Variants in DAPK3 observed in about 807,000 individuals in gnomAD.
DAPK3 encodes death-associated protein kinase 3.
Under a neutral mutation model 30.6 loss-of-function variants are expected in DAPK3, and 24 were observed. The ratio of observed to expected loss-of-function variants is 0.78; its 90% CI spans 0.57 to 1.10. DAPK3 has a LOEUF of 1.10. Among genes scored for constraint, DAPK3 ranks in the 50% least tolerant of loss-of-function variants. The probability of loss-of-function intolerance (pLI) is 0.00; values close to 1 mark genes in which losing one functional copy is unlikely to be tolerated. For synonymous variants in DAPK3, 341 were observed against 284.0 expected, an observed-to-expected ratio of 1.20 and a Z score of -2.02; for missense variants, 629 against 657.3, an observed-to-expected ratio of 0.96 and a Z score of 0.47.
At chr19:3,960,612 C>G (rs974417255) in intron 7 of DAPK3, among the ~76,000 whole-genome samples, 23 of 152,044 alleles carry the variant, frequency 1.5e-4, no homozygotes, top group African/African-American at 5.3e-4. Context: ...AGCCCTGTCT[C>G]TACTAAAAAT....
At chr19:3,964,428 C>A in intron 3 of DAPK3, 55 bp from the exon 4 acceptor site, 1 of 1,452,476 alleles carries the variant, frequency 6.9e-7, no homozygotes, top group Non-Finnish European at 9.4e-7. Flanking sequence ...ACCCTCACCC[C>A]CACGCTCCCC....
chr19:3,967,511 T>C (rs958363237), intron 2 of DAPK3, among the ~76,000 whole-genome samples: 3 of 152,094 alleles, frequency 2.0e-5, no homozygotes, highest in African/African-American at 7.2e-5. Flanking sequence ...TCCCAGCACT[T>C]TGGGAGGCAG....
chr19:3,959,800 G>C (rs1159910372), intron 8 of DAPK3, 163 bp from the exon 9 acceptor site: 4 of 843,114 alleles, frequency 4.7e-6, no homozygotes, highest in Non-Finnish European at 7.2e-6. Flanking sequence ...GTGCTCTCTC[G>C]AGAAAAACGC....
At chr19:3,960,728 G>A (rs1377238043) in intron 7 of DAPK3, among the ~76,000 whole-genome samples, 1 of 137,364 alleles carries the variant, frequency 7.3e-6, no homozygotes, top group South Asian at 2.4e-4. Flanking sequence ...GCAGTGAGCC[G>A]AGATCACGCC....
At chr19:3,964,418 AC>A in intron 3 of DAPK3, 45 bp from the exon 4 acceptor site, 2 of 859,640 alleles carry the variant, frequency 2.3e-6, no homozygotes, top group Non-Finnish European at 3.4e-6. Context: ...GGCCTCCCCC[AC>A]CCTCACCCCC....
intron 2 of DAPK3, among the ~76,000 whole-genome samples, chr19:3,967,007 C>T (rs10853968): frequency 0.47 from 71,409 of 152,058 alleles, 20,134 homozygotes; most frequent in East Asian, 0.76. Flanking sequence ...CAGCCCCCAG[C>T]GCAGGTGGGG....
intron 5 of DAPK3, 96 bp downstream of exon 5, chr19:3,963,775 C>T (rs1256061543): frequency 5.6e-6 from 7 of 1,246,338 alleles, no homozygotes; most frequent in Non-Finnish European, 5.7e-6. Flanking sequence ...CCCCCATACC[C>T]CAACAGCAGC....
At chr19:3,959,869 A>T in intron 8 of DAPK3, 190 bp downstream of exon 8, 2 of 639,054 alleles carry the variant, frequency 3.1e-6, no homozygotes, top group Non-Finnish European at 5.4e-6. Flanking sequence ...GGATGCCACC[A>T]GGTCTGTCGG....
chr19:3,963,820 C>T, intron 5 of DAPK3, 51 bp downstream of exon 5: 1 of 1,352,894 alleles, frequency 7.4e-7, no homozygotes, highest in African/African-American at 1.4e-5. Flanking sequence ...CAGCACTGGC[C>T]TGCGCTCCAG....
At chr19:3,961,488 G>A (rs2039512771) in intron 6 of DAPK3, 1 of 544,224 alleles carries the variant, frequency 1.8e-6, no homozygotes, top group African/African-American at 1.9e-5. Flanking sequence ...ACTGCAGTGG[G>A]GAGCCCGAGC....
rs575038887 is a variant in DAPK3 at position 3,970,282 on chromosome 19, GAGA to G, written c.-94-456_-94-454del. On this transcript the variant is annotated intron_variant, in intron 1 of 8. Transcript: ENST00000545797. The stretch of plus-strand genomic sequence containing the variant: ...TTTGTTGTTGGTGTTGTTGTTTTTT[GAGA>G]AGGAGTCTCGCTCTGTCGCCCTGGC... Among the ~76,000 whole-genome samples the G allele has an allele frequency of 7.8e-3, 1,190 of 152,186 alleles. 9 individuals carry two copies. Among genetic ancestry groups the G allele is most frequent in the Non-Finnish European group, 0.014 (925 of 68,014 alleles).
At chr19:3,967,910 G>T (rs2039594055) in intron 2 of DAPK3, among the ~76,000 whole-genome samples, 1 of 152,208 alleles carries the variant, frequency 6.6e-6, no homozygotes. Context: ...CCAGTCCCGA[G>T]AAAAACTGCG....
chr19:3,958,895 G>A lies in DAPK3; in HGVS notation c.*206C>T. 3.4e-6 allele frequency: 2 copies of A among 583,524 alleles called. No homozygotes were observed. The highest frequency in any genetic ancestry group is 2.1e-5 in the South Asian group (1 of 48,104). 36.1% of individuals were successfully genotyped at this position (583,524 alleles called of 1,614,324 possible). On this transcript the variant is annotated 3_prime_UTR_variant, in exon 9 of 9. Transcript: ENST00000545797. Reference sequence around the variant, plus strand: ...GGGTGAAGGTGAAGGCCAGCGTGGAGGCTGTGTAGAGAAGCAGCCCCGTCC... The same window carrying A: ...GGGTGAAGGTGAAGGCCAGCGTGGAAGCTGTGTAGAGAAGCAGCCCCGTCC...
intron 2 of DAPK3, 45 bp downstream of exon 2, chr19:3,969,629 C>A (rs2039614367): frequency 7.8e-7 from 1 of 1,289,740 alleles, no homozygotes; most frequent in African/African-American, 1.5e-5. Flanking sequence ...CCCACAGCGC[C>A]TCTCTCCTAT....
chr19:3,959,810 C>A (rs1175262600), intron 8 of DAPK3, 173 bp from the exon 9 acceptor site: 2 of 771,410 alleles, frequency 2.6e-6, no homozygotes, highest in East Asian at 2.7e-5. Context: ...GAGAAAAACG[C>A]TGCGGCCCTG....
Position 3,960,121 on chromosome 19 carries a change from C to G in DAPK3, c.783-17G>C. 6.9e-7 allele frequency: 1 copy of G among 1,455,394 alleles called. No homozygotes were observed. The highest frequency in any genetic ancestry group is 9.7e-7 in the Non-Finnish European group (1 of 1,035,562). The allele number at this position is 1,455,394 out of a possible 1,614,324, so 90.2% of individuals were successfully genotyped here. On this transcript the variant is annotated splice_polypyrimidine_tract_variant and intron_variant, in intron 7 of 8. Transcript: ENST00000545797. ...ATTCTCCGCCTGGAAGACCCCCGCT[C>G]TGGTTAGGTACACCTGCACCATCTG...
intron 2 of DAPK3, among the ~76,000 whole-genome samples, chr19:3,968,408 G>A (rs1030578419): frequency 1.3e-5 from 2 of 151,956 alleles, no homozygotes; most frequent in African/African-American, 2.4e-5. Context: ...GCTGGAGGCC[G>A]AGGCTGCAAT....
rs111719490 is a variant in DAPK3, at chr19:3,959,477, T to C, written c.989A>G (p.Glu330Gly). The change falls in exon 9 of 9, where the codon GAG becomes GGG. Residue 330 changes from glutamate (E) to glycine (G), a missense_variant. Glu to Gly is a moderately conservative substitution (Grantham distance 98). Coordinates refer to ENST00000545797, the MANE Select transcript of DAPK3 (RefSeq NM_001348.3). ...ADFERFSKVL[E>G]EAAAAEEGLR... ...GCCCTCCTCGGCGGCCGCCGCCTCC[T>C]CCAGCACCTTGGAGAAGCGCTCGAA... 1 of 1,550,710 alleles carries C rather than the reference T, an allele frequency of 6.4e-7. No individual in the cohort carries two copies. Among genetic ancestry groups the C allele is most frequent in the South Asian group, 1.2e-5 (1 of 85,434 alleles).
Position 3,964,385 on chromosome 19 carries a change from G to A in DAPK3, c.424-12C>T. 1 of 1,609,388 alleles carries A rather than the reference G, an allele frequency of 6.2e-7. No homozygotes were observed. Among genetic ancestry groups the A allele is most frequent in the South Asian group, 1.1e-5 (1 of 91,000 alleles). ...ATGATGTTTTCCGGCTGGGGTGGGA[G>A]GAGGCTCAGCAGGGAAAGCACGGGC... On this transcript the variant is annotated splice_polypyrimidine_tract_variant and intron_variant, in intron 3 of 8. Transcript: ENST00000545797.
Sources: allele counts gnomAD v4.1 joint callset (sites outside exome capture counted in the v4.1 genomes callset), GRCh38; gene constraint gnomAD v4.1.1; transcripts MANE v1.5; gene names NCBI Gene and HGNC (gene_info 2026-07-23, HGNC 2026-07-21).